Variants in FOXJ2 observed in about 807,000 individuals in gnomAD.
FOXJ2 encodes forkhead box protein J2.
In FOXJ2, 18 loss-of-function variants were observed where a neutral mutation model predicts 68.4. That is an observed-to-expected ratio of 0.26 (90% CI 0.18 to 0.39). The LOEUF is 0.39. Among genes scored for constraint, FOXJ2 ranks in the 10% least tolerant of loss-of-function variants. The pLI, the probability that FOXJ2 is intolerant of heterozygous loss-of-function variation, is 1.00. For synonymous variants in FOXJ2, 274 were observed against 263.2 expected, an observed-to-expected ratio of 1.04 and a Z score of -0.40; for missense variants, 670 against 726.5, an observed-to-expected ratio of 0.92 and a Z score of 0.89.
At chr12:8,052,645 C>A in intron 10 of FOXJ2, 117 bp from the exon 11 acceptor site, 1 of 791,410 alleles carries the variant, frequency 1.3e-6, no homozygotes, top group Non-Finnish European at 2.0e-6. Context: ...CTGATAAGGG[C>A]GATAGCCTCA....
chr12:8,043,078 G>A (rs1424623806), intron 3 of FOXJ2, among the ~76,000 whole-genome samples: 1 of 151,878 alleles, frequency 6.6e-6, no homozygotes, highest in African/African-American at 2.4e-5. Flanking sequence ...TTAGCCAGGC[G>A]TGGTGGTACA....
intron 10 of FOXJ2, among the ~76,000 whole-genome samples, chr12:8,052,477 C>T (rs1405224948): frequency 6.6e-6 from 1 of 152,200 alleles, no homozygotes; most frequent in African/African-American, 2.4e-5. Flanking sequence ...CTTGGCCTCC[C>T]AAAGTGCTGG....
rs1299993988 is a variant in FOXJ2 at position 8,054,599 on chromosome 12, A to G, written c.*1749A>G. On this transcript the variant is annotated 3_prime_UTR_variant, in exon 11 of 11. Coordinates refer to ENST00000162391, the MANE Select transcript of FOXJ2 (RefSeq NM_018416.3). ...AAGGGGCAAGATAGGGCAGTTAACT[A>G]AAGAGCACTTTATTTCTTTGAAGCC... 2 of 152,642 alleles carry G rather than the reference A, an allele frequency of 1.3e-5. No homozygotes were observed. The highest frequency in any genetic ancestry group is 4.8e-5 in the African/African-American group (2 of 41,452). 9.5% of individuals were successfully genotyped at this position (152,642 alleles called of 1,614,324 possible). A position where few individuals can be genotyped will look rare whatever the true frequency, so the allele number is the denominator to read the frequency against.
In FOXJ2 at chr12:8,052,847, T is replaced by C. The variant is rs753556504; in HGVS notation, c.1722T>C (p.Thr574=). Residue 574 remains threonine, a synonymous_variant, in exon 11 of 11, where the codon ACT becomes ACC. Coordinates refer to ENST00000162391, the MANE Select transcript of FOXJ2 (RefSeq NM_018416.3). ...ATGACTTCGACTGGGACTTGATCAC[T>C]TAGTGCATCACAGAGTGTGGACATC... ...IPDDFDWDLI[T] The C allele has an allele frequency of 2.5e-6, 4 of 1,603,310 alleles. No individual in the cohort carries two copies. The East Asian group carries it at 8.9e-5, about 36-fold the overall frequency.
At chr12:8,052,597 T>G (rs1947140629) in intron 10 of FOXJ2, among the ~76,000 whole-genome samples, 165 bp from the exon 11 acceptor site, 1 of 152,220 alleles carries the variant, frequency 6.6e-6, no homozygotes, top group Admixed American at 6.5e-5. Context: ...TCCTGAGACC[T>G]CACTGAAATG....
intron 6 of FOXJ2, among the ~76,000 whole-genome samples, chr12:8,046,578 AT>A (rs1162226323): frequency 6.6e-6 from 1 of 152,144 alleles, no homozygotes; most frequent in Non-Finnish European, 1.5e-5. Flanking sequence ...GTCCGTGCAC[AT>A]TTTCCTAATT....
At chr12:8,050,284 C>G in intron 9 of FOXJ2, 3 of 1,247,066 alleles carry the variant, frequency 2.4e-6, no homozygotes, top group Non-Finnish European at 3.0e-6. Context: ...CCCTGTGTTT[C>G]TATATTTTTC....
intron 10 of FOXJ2, 124 bp from the exon 11 acceptor site, chr12:8,052,638 A>T (rs1947140953): frequency 1.4e-6 from 1 of 718,956 alleles, no homozygotes; most frequent in Admixed American, 2.4e-5. Flanking sequence ...ACTCCAGCTG[A>T]TAAGGGCGAT....
intron 3 of FOXJ2, 36 bp downstream of exon 3, chr12:8,042,768 G>A: frequency 1.3e-6 from 2 of 1,561,758 alleles, no homozygotes; most frequent in Non-Finnish European, 1.8e-6. Context: ...AGGAGGAGTA[G>A]GAAGGAGAGT....
At chr12:8,045,594 C>T (rs1321024261) in intron 6 of FOXJ2, among the ~76,000 whole-genome samples, 1 of 152,156 alleles carries the variant, frequency 6.6e-6, no homozygotes, top group African/African-American at 2.4e-5. Context: ...TCAAGTGATC[C>T]ACCCACCTTG....
chr12:8,040,981 T>C lies in FOXJ2; in HGVS notation c.333+816T>C, dbSNP rs1946956737. On this transcript the variant is annotated intron_variant, in intron 2 of 10. Coordinates refer to ENST00000162391, the MANE Select transcript of FOXJ2 (RefSeq NM_018416.3). This position sits in a 1 kb window ranked among gnomAD's most constrained non-coding sequence, Gnocchi z 4.0. Reference sequence around the variant, plus strand: ...TGGCTACCAAGCAAGTAATGAGAAGTTAAGTTGTTTGGCTGGAGATGAAGA... The same window carrying C: ...TGGCTACCAAGCAAGTAATGAGAAGCTAAGTTGTTTGGCTGGAGATGAAGA... 6.6e-6 allele frequency among the ~76,000 whole-genome samples: 1 copy of C among 152,108 alleles called. No individual in the cohort carries two copies. The highest frequency in any genetic ancestry group is 6.5e-5 in the Admixed American group (1 of 15,268).
rs1260800229 is a variant in FOXJ2 at position 8,040,667 on chromosome 12, C to T, written c.333+502C>T. 6.6e-5 allele frequency among the ~76,000 whole-genome samples: 10 copies of T among 152,084 alleles called. No homozygotes were observed. The highest frequency in any genetic ancestry group is 6.2e-4 in the South Asian group (3 of 4,816). ...CGAACTCCAGATCTCATTATCCACCCGCCTCAGCCTCCCAAAGTGCTGAGA... is the reference window on the plus strand; with the variant it reads ...CGAACTCCAGATCTCATTATCCACCTGCCTCAGCCTCCCAAAGTGCTGAGA... On this transcript the variant is annotated intron_variant, in intron 2 of 10. Coordinates refer to ENST00000162391, the MANE Select transcript of FOXJ2 (RefSeq NM_018416.3). The surrounding 1 kb of genome is among the most constrained non-coding windows in gnomAD (Gnocchi z 4.0).
intron 6 of FOXJ2, 45 bp from the exon 7 acceptor site, chr12:8,047,837 A>C: frequency 6.5e-7 from 1 of 1,527,264 alleles, no homozygotes; most frequent in Middle Eastern, 1.8e-4. Context: ...ATTTTGTGAA[A>C]AATGCATTGC....
Position 8,054,543 on chromosome 12 carries a change from T to C in FOXJ2, c.*1693T>C, listed in dbSNP as rs1947163578. The C allele has an allele frequency of 6.6e-6, 1 of 152,578 alleles. No individual in the cohort carries two copies. The highest frequency in any genetic ancestry group is 6.5e-5 in the Admixed American group (1 of 15,274). The allele number at this position is 152,578 out of a possible 1,614,324, so 9.5% of individuals were successfully genotyped here. Reference sequence around the variant, plus strand: ...TTTGGAAGGGGGTTATATATGAGAGTTCATTGAAGAAGTCCAGTGAGGCTG... The same window carrying C: ...TTTGGAAGGGGGTTATATATGAGAGCTCATTGAAGAAGTCCAGTGAGGCTG... On this transcript the variant is annotated 3_prime_UTR_variant, in exon 11 of 11. Transcript: ENST00000162391.
chr12:8,048,956 T>C (rs879554813), intron 8 of FOXJ2, among the ~76,000 whole-genome samples, 158 bp downstream of exon 8: 1 of 152,254 alleles, frequency 6.6e-6, no homozygotes, highest in Non-Finnish European at 1.5e-5. Flanking sequence ...TACATTATTT[T>C]CAAATTAACT....
chr12:8,041,899 C>T (rs771633959), intron 2 of FOXJ2, among the ~76,000 whole-genome samples: 18 of 148,618 alleles, frequency 1.2e-4, no homozygotes, highest in Admixed American at 2.0e-4. Flanking sequence ...TTTTTTGAGA[C>T]GGAGTTTCGC....
Position 8,035,666 on chromosome 12 carries a change from C to T in FOXJ2, c.-15+1833C>T, listed in dbSNP as rs986413991. Reference sequence around the variant, plus strand: ...AACATCTCCAAGTACACCACCGCCACGCAGTTTAACTGGCCCTGCTTGGAC... The same window carrying T: ...AACATCTCCAAGTACACCACCGCCATGCAGTTTAACTGGCCCTGCTTGGAC... On this transcript the variant is annotated intron_variant, in intron 1 of 10. Transcript: ENST00000162391. This position sits in a 1 kb window ranked among gnomAD's most constrained non-coding sequence, Gnocchi z 4.0. Among the ~76,000 whole-genome samples, 2 of 152,198 alleles carry T rather than the reference C, an allele frequency of 1.3e-5. No homozygotes were observed. Among genetic ancestry groups the T allele is most frequent in the African/African-American group, 2.4e-5 (1 of 41,430 alleles).
chr12:8,055,207 G>C lies in FOXJ2; in HGVS notation c.*2357G>C, dbSNP rs1591583953. On this transcript the variant is annotated 3_prime_UTR_variant, in exon 11 of 11. Transcript: ENST00000162391. ...GGTCTAGCATTGCTGGACACAAAGT[G>C]TAGTCATTATTGTTGTATTGGGTGA... 4 of 152,658 alleles carry C rather than the reference G, an allele frequency of 2.6e-5. No homozygotes were observed. The allele number at this position is 152,658 out of a possible 1,614,324, so 9.5% of individuals were successfully genotyped here.
rs148098248 is a variant in FOXJ2, at chr12:8,040,964, A to C, written c.333+799A>C. Among the ~76,000 whole-genome samples, 87 of 152,306 alleles carry C rather than the reference A, an allele frequency of 5.7e-4. 2 individuals are homozygous for C. The East Asian group carries it at 0.016, about 28-fold the overall frequency. Reference sequence around the variant, plus strand: ...GGTTCTTTACAAACAGCTGGCTACCAAGCAAGTAATGAGAAGTTAAGTTGT... The same window carrying C: ...GGTTCTTTACAAACAGCTGGCTACCCAGCAAGTAATGAGAAGTTAAGTTGT... On this transcript the variant is annotated intron_variant, in intron 2 of 10. Transcript: ENST00000162391. This position sits in a 1 kb window ranked among gnomAD's most constrained non-coding sequence, Gnocchi z 4.0.
Sources: allele counts gnomAD v4.1 joint callset (sites outside exome capture counted in the v4.1 genomes callset), GRCh38; gene constraint gnomAD v4.1.1; non-coding constraint Gnocchi (gnomAD v3.1); transcripts MANE v1.5; gene names NCBI Gene and HGNC (gene_info 2026-07-23, HGNC 2026-07-21).